Variants in AGBL5 observed in about 807,000 individuals in gnomAD.
AGBL5 encodes the protein AGBL carboxypeptidase 5.
AGBL5 carries 51 observed loss-of-function variants against 88.0 expected under a neutral mutation model. The observed-to-expected ratio is 0.58, with a 90% confidence interval of 0.46 to 0.73. The LOEUF (loss-of-function observed/expected upper bound fraction) is 0.73, where lower values mean the gene tolerates loss of function less well. Ranked by LOEUF, AGBL5 falls within the 30% of genes least tolerant of loss-of-function variation. The probability of loss-of-function intolerance (pLI) is 0.00; values close to 1 mark genes in which losing one functional copy is unlikely to be tolerated. For missense variants in AGBL5, 1,031 were observed against 1,162.2 expected (o/e 0.89, Z 1.64); for synonymous variants, 446 against 438.8 (o/e 1.02, Z -0.21).
chr2:27,052,535 T>C (rs1285944318), intron 1 of AGBL5: 2 of 154,272 alleles, frequency 1.3e-5, no homozygotes, highest in African/African-American at 4.8e-5. Flanking sequence ...AAGGTGGCCA[T>C]GTATGGTGGT....
At chr2:27,069,800 C>A in intron 14 of AGBL5, 94 bp downstream of exon 14, 1 of 1,513,024 alleles carries the variant, frequency 6.6e-7, no homozygotes, top group East Asian at 2.3e-5. Flanking sequence ...CTTCCCTACT[C>A]CTTTTGAGCA....
chr2:27,053,675 A>T lies in AGBL5; in HGVS notation c.387+102A>T, dbSNP rs1668289724. Reference sequence around the variant, plus strand: ...GATACAAGTATGAAGCAGGTGGGACAACAGGTTTAAGTATCAGCTTTTTCT... The same window carrying T: ...GATACAAGTATGAAGCAGGTGGGACTACAGGTTTAAGTATCAGCTTTTTCT... On this transcript the variant is annotated intron_variant, in intron 3 of 14. Coordinates refer to ENST00000360131, the MANE Select transcript of AGBL5 (RefSeq NM_021831.6). This position sits in a 1 kb window ranked among gnomAD's most constrained non-coding sequence, Gnocchi z 4.9. 1.4e-6 allele frequency: 2 copies of T among 1,462,918 alleles called. No homozygotes were observed. The highest frequency in any genetic ancestry group is 2.8e-5 in the African/African-American group (2 of 70,272). The allele number at this position is 1,462,918 out of a possible 1,614,324, so 90.6% of individuals were successfully genotyped here. A position where few individuals can be genotyped will look rare whatever the true frequency, so the allele number is the denominator to read the frequency against.
At chr2:27,057,526 T>A in intron 9 of AGBL5, 88 bp downstream of exon 9, 1 of 1,429,198 alleles carries the variant, frequency 7.0e-7, no homozygotes. Context: ...TAAGGTCCTT[T>A]GAAGAGATAT....
Position 27,069,584 on chromosome 2 carries a change from G to T in AGBL5, c.2367G>T (p.Arg789Ser), listed in dbSNP as rs754732152. ...CCCTGTCCACACAGGCTAGGCCCAG[G>T]TTGGGCCGGGGCTCACCGCCGACTC... ...CIKTRLQARP[R>S]LGRGSPPTRR... Residue 789 changes from arginine to serine, a missense_variant, in exon 14 of 15, where the codon AGG becomes AGT. By Grantham distance (110) the Arg-to-Ser change is moderately radical. Coordinates refer to ENST00000360131, the MANE Select transcript of AGBL5 (RefSeq NM_021831.6). 7 of 1,614,040 alleles carry T rather than the reference G, an allele frequency of 4.3e-6. No homozygotes were observed. The highest frequency in any genetic ancestry group is 5.9e-6 in the Non-Finnish European group (7 of 1,179,906).
chr2:27,067,744 T>C (rs760872750), intron 12 of AGBL5, 98 bp downstream of exon 12: 4 of 1,390,240 alleles, frequency 2.9e-6, no homozygotes, highest in Admixed American at 3.4e-5. Context: ...GCATCACTTA[T>C]CCTCTTGGTA....
chr2:27,050,773 GC>G (rs142749390), upstream of AGBL5, among the ~76,000 whole-genome samples: 4,245 of 152,312 alleles, frequency 0.028, 73 homozygotes, highest in Non-Finnish European at 0.043. Context: ...GCATCTTATC[GC>G]AGCGGAGCCT....
chr2:27,059,160 C>T lies in AGBL5; in HGVS notation c.1875-30C>T, dbSNP rs199984093. On this transcript the variant is annotated intron_variant, in intron 10 of 14. Coordinates refer to ENST00000360131, the MANE Select transcript of AGBL5 (RefSeq NM_021831.6). ...AGCCTTAGGACACAACCTTCCTGGC[C>T]CGGGTTAACTGGCATCTGCTTCTTT... The T allele has an allele frequency of 2.5e-6, 4 of 1,602,330 alleles. No homozygotes were observed. The East Asian group carries it at 8.9e-5, about 36-fold the overall frequency.
chr2:27,056,845 C>A (rs987414986), intron 8 of AGBL5, 53 bp downstream of exon 8: 1 of 1,538,952 alleles, frequency 6.5e-7, no homozygotes, highest in Middle Eastern at 2.2e-4. Context: ...AAAGAAAACA[C>A]CGTAGCTGGG....
chr2:27,054,923 T>A, intron 5 of AGBL5, 116 bp downstream of exon 5: 1 of 1,494,702 alleles, frequency 6.7e-7, no homozygotes. Flanking sequence ...GCCCGCAGCG[T>A]GCGGCAAGGG....
chr2:27,069,240 G>C, intron 13 of AGBL5: 1 of 1,351,864 alleles, frequency 7.4e-7, no homozygotes, highest in African/African-American at 1.5e-5. Flanking sequence ...CTAAAGCATA[G>C]AGGGCTCTGA....
At chr2:27,068,587 T>C (rs749294248) in intron 12 of AGBL5, 45 bp from the exon 13 acceptor site, 2 of 1,563,190 alleles carry the variant, frequency 1.3e-6, no homozygotes, top group African/African-American at 2.7e-5. Flanking sequence ...AGTTACCTCC[T>C]CTTCTCTGTG....
chr2:27,054,902 A>T, intron 5 of AGBL5, 95 bp downstream of exon 5: 1 of 1,521,364 alleles, frequency 6.6e-7, no homozygotes. Context: ...GGCATCTTGG[A>T]CATGGCCTCC....
intron 12 of AGBL5, among the ~76,000 whole-genome samples, chr2:27,068,083 A>T (rs921184961): frequency 6.6e-6 from 1 of 152,206 alleles, no homozygotes; most frequent in African/African-American, 2.4e-5. Flanking sequence ...TCTCCTTTAA[A>T]TTATAGACCC....
chr2:27,057,478 T>C (rs765807410), intron 9 of AGBL5, 40 bp downstream of exon 9: 2 of 1,556,394 alleles, frequency 1.3e-6, no homozygotes, highest in Admixed American at 1.9e-5. Context: ...GGAGAAACCT[T>C]ACAGTCTGGA....
chr2:27,067,697 C>CCAGGTTCTTTAAGCCTAGTTGGG, intron 12 of AGBL5, 51 bp downstream of exon 12: 1 of 1,603,978 alleles, frequency 6.2e-7, no homozygotes, highest in Non-Finnish European at 8.5e-7. Context: ...CCTCCATGGC[C>CCAGGTTCTTTAAGCCTAGTTGGG]AGGCCAGGTT....
rs1423104975 is a variant in AGBL5 at position 27,056,048 on chromosome 2, T to C, written c.1275T>C (p.Ser425=). The change falls in exon 7 of 15, where the codon AGT becomes AGC. Residue 425 remains serine (S), a synonymous_variant. Transcript: ENST00000360131. The part of the protein sequence containing the change: ...SAPDTIPPKE[S]GVAYYVDLHG... ...CTGATACCATCCCCCCCAAAGAGAG[T>C]GGCGTTGCTTACTATGTGGACCTGC... 1 of 1,613,794 alleles carries C rather than the reference T, an allele frequency of 6.2e-7. No homozygotes were observed. Among genetic ancestry groups the C allele is most frequent in the Non-Finnish European group, 8.5e-7 (1 of 1,179,960 alleles).
rs764042663 is a variant in AGBL5, at chr2:27,056,736, G to A, written c.1479G>A (p.Gln493=). 24 of 1,613,602 alleles carry A rather than the reference G, an allele frequency of 1.5e-5. No individual in the cohort carries two copies. The African/African-American group carries it at 2.7e-4, about 18-fold the overall frequency. ...NMYARDRRDG[Q]SKEGSGRVAI... is the part of the protein sequence containing the mutation. ...ATGCCCGAGACCGTAGAGATGGCCA[G>A]TCTAAAGAGGGAAGCGGCCGTGTTG... Residue 493 remains glutamine, a synonymous_variant, in exon 8 of 15, where the codon CAG becomes CAA. Coordinates refer to ENST00000360131, the MANE Select transcript of AGBL5 (RefSeq NM_021831.6).
intron 12 of AGBL5, among the ~76,000 whole-genome samples, chr2:27,068,431 G>A (rs989055982): frequency 1.9e-4 from 29 of 152,116 alleles, no homozygotes; most frequent in African/African-American, 7.0e-4. Context: ...CACTGAGGAG[G>A]GGGGAGATGA....
chr2:27,067,006 C>A (rs767727483), intron 11 of AGBL5, among the ~76,000 whole-genome samples: 11 of 151,560 alleles, frequency 7.3e-5, no homozygotes, highest in Non-Finnish European at 1.5e-4. Flanking sequence ...TCGCTTGAAC[C>A]CGGGAGGCGG....
Sources: gnomAD v4.1 joint callset for allele counts (sites outside exome capture counted in the v4.1 genomes callset) on GRCh38, gnomAD v4.1.1 for gene constraint, Gnocchi (gnomAD v3.1) non-coding constraint, MANE v1.5 for transcripts, NCBI Gene and HGNC (gene_info 2026-07-23, HGNC 2026-07-21) for gene names.